The following PTPRD variants were observed in gnomAD, a reference collection of about 807,000 sequenced individuals.
PTPRD encodes the protein receptor-type tyrosine-protein phosphatase delta.
In PTPRD, 34 loss-of-function variants were observed where a neutral mutation model predicts 214.5. The observed-to-expected ratio is 0.16, with a 90% CI of 0.12 to 0.21. The LOEUF is 0.21. Ranked by LOEUF, PTPRD falls within the 10% of genes least tolerant of loss-of-function variation. The pLI is 1.00. For missense variants in PTPRD, 2,545 were observed against 2,398.7 expected (o/e 1.06, Z -1.27); for synonymous variants, 1,128 against 845.7 (o/e 1.33, Z -5.79).
chr9:9,511,048 G>T (rs747658651), intron 8 of PTPRD, among the ~76,000 whole-genome samples: 1 of 151,690 alleles, frequency 6.6e-6, no homozygotes, highest in East Asian at 1.9e-4. Flanking sequence ...CAAAGCTCTT[G>T]TACAATAGAA....
At chr9:8,404,366 C>T (rs1418078316) in intron 36 of PTPRD, among the ~76,000 whole-genome samples, 171 bp downstream of exon 36, 1 of 152,112 alleles carries the variant, frequency 6.6e-6, no homozygotes, top group African/African-American at 2.4e-5. Context: ...TGACCTCAGG[C>T]GATCCACCCG....
chr9:8,934,506 A>ATATAAATAT (rs1567101504), intron 11 of PTPRD, among the ~76,000 whole-genome samples: 1 of 10,410 alleles, frequency 9.6e-5, no homozygotes, highest in Non-Finnish European at 1.9e-4. Context: ...TATATATATA[A>ATATAAATAT]ATATATATAT....
At chr9:9,868,613 C>A (rs920957957) in intron 5 of PTPRD, among the ~76,000 whole-genome samples, 3 of 151,512 alleles carry the variant, frequency 2.0e-5, no homozygotes, top group African/African-American at 7.3e-5. Flanking sequence ...AAAAAAAAAT[C>A]CCTGAGCGGG....
intron 3 of PTPRD, among the ~76,000 whole-genome samples, chr9:10,258,042 G>T (rs2154373583): frequency 6.6e-6 from 1 of 152,254 alleles, no homozygotes; most frequent in South Asian, 2.1e-4. Flanking sequence ...GAAGGTGGTG[G>T]AGAGAAAGTG....
Position 8,551,816 on chromosome 9 carries a change from C to A in PTPRD, c.353-23037G>T, listed in dbSNP as rs147912780. ...TCTTTTTGCCTAGAATAAACCTGCA[C>A]AGACTTTATCAACATATAATCAGCA... On this transcript the variant is annotated intron_variant, in intron 14 of 45. Coordinates refer to ENST00000381196, the MANE Select transcript of PTPRD (RefSeq NM_002839.4). Among the ~76,000 whole-genome samples, 42 of 152,318 alleles carry A rather than the reference C, an allele frequency of 2.8e-4. No individual in the cohort carries two copies. In the East Asian group the frequency reaches 6.9e-3, roughly 25 times the overall value.
chr9:9,802,048 A>G (rs1454199119), intron 5 of PTPRD, among the ~76,000 whole-genome samples: 2 of 152,082 alleles, frequency 1.3e-5, no homozygotes, highest in Non-Finnish European at 2.9e-5. Context: ...ATGCATTTCA[A>G]ATTGAATGTG....
intron 35 of PTPRD, among the ~76,000 whole-genome samples, chr9:8,409,568 G>C (rs1044198296): frequency 1.3e-5 from 2 of 152,170 alleles, no homozygotes; most frequent in South Asian, 4.1e-4. Flanking sequence ...TGATATGGGA[G>C]TAACCTTTTT....
chr9:8,851,609 T>A (rs1023495968), intron 11 of PTPRD, among the ~76,000 whole-genome samples: 1 of 152,190 alleles, frequency 6.6e-6, no homozygotes, highest in African/African-American at 2.4e-5. Flanking sequence ...CAGAACTCTA[T>A]CATAGGAACT....
At chr9:9,389,491 T>C (rs906349885) in intron 9 of PTPRD, among the ~76,000 whole-genome samples, 11 of 152,060 alleles carry the variant, frequency 7.2e-5, no homozygotes, top group Non-Finnish European at 1.5e-5. Context: ...GCTTGGGCCA[T>C]TCCAACTCCA....
At chr9:8,807,030 C>A (rs2096698634) in intron 11 of PTPRD, among the ~76,000 whole-genome samples, 1 of 152,096 alleles carries the variant, frequency 6.6e-6, no homozygotes, top group African/African-American at 2.4e-5. Flanking sequence ...AGAATAGCTG[C>A]TGATACTGAA....
chr9:9,928,303 A>G (rs2085071050), intron 5 of PTPRD, among the ~76,000 whole-genome samples: 1 of 152,136 alleles, frequency 6.6e-6, no homozygotes, highest in South Asian at 2.1e-4. Context: ...TAAATTTCAT[A>G]CCACATTATT....
chr9:10,554,655 AT>A (rs71332758), intron 2 of PTPRD, among the ~76,000 whole-genome samples: 2 of 151,458 alleles, frequency 1.3e-5, no homozygotes, highest in South Asian at 2.1e-4. Flanking sequence ...TCTTTTTTTA[AT>A]TTTTTTTGTT....
intron 45 of PTPRD, among the ~76,000 whole-genome samples, chr9:8,319,301 A>C (rs921053341): frequency 5.3e-5 from 8 of 152,116 alleles, no homozygotes; most frequent in Non-Finnish European, 1.0e-4. Flanking sequence ...ATTACGAGAA[A>C]TATCCAAATT....
chr9:10,031,633 T>C (rs999800483), intron 4 of PTPRD, among the ~76,000 whole-genome samples: 1 of 95,808 alleles, frequency 1.0e-5, no homozygotes, highest in Non-Finnish European at 1.9e-5. Flanking sequence ...TCCATATATA[T>C]ATATATATAT....
At chr9:9,729,200 C>G (rs568240685) in intron 7 of PTPRD, among the ~76,000 whole-genome samples, 1 of 152,234 alleles carries the variant, frequency 6.6e-6, no homozygotes, top group African/African-American at 2.4e-5. Context: ...CAGAATTCAT[C>G]TGTTGTTCAG....
chr9:8,626,427 T>G (rs571081658), intron 14 of PTPRD, among the ~76,000 whole-genome samples: 1 of 151,970 alleles, frequency 6.6e-6, no homozygotes, highest in African/African-American at 2.4e-5. Context: ...CTATTTTACT[T>G]CTGCTCAATT....
At chr9:9,894,491 T>G (rs1461339355) in intron 5 of PTPRD, among the ~76,000 whole-genome samples, 2 of 152,000 alleles carry the variant, frequency 1.3e-5, no homozygotes, top group Admixed American at 6.6e-5. Flanking sequence ...TCCTGCCAGT[T>G]TTCCTTTTCC....
intron 39 of PTPRD, among the ~76,000 whole-genome samples, chr9:8,358,900 G>A (rs1022143440): frequency 6.6e-6 from 1 of 151,420 alleles, no homozygotes; most frequent in Non-Finnish European, 1.5e-5. Flanking sequence ...GAGGTCAGGA[G>A]ATCGAGACCA....
chr9:10,474,198 G>A (rs1230250252), intron 2 of PTPRD, among the ~76,000 whole-genome samples: 1 of 151,672 alleles, frequency 6.6e-6, no homozygotes, highest in African/African-American at 2.4e-5. Flanking sequence ...GCAAGTTGGA[G>A]AGAGTCAAGA....
Sources: allele counts gnomAD v4.1 joint callset (sites outside exome capture counted in the v4.1 genomes callset), GRCh38; gene constraint gnomAD v4.1.1; transcripts MANE v1.5; gene names NCBI Gene and HGNC (gene_info 2026-07-23, HGNC 2026-07-21).